Variants in DSC3 observed in about 807,000 individuals in gnomAD.
The protein encoded by DSC3 is desmocollin 3, also known as desmocollin-3.
Under a neutral mutation model 89.5 loss-of-function variants are expected in DSC3, and 97 were observed. The observed-to-expected ratio is 1.08, with a 90% CI of 0.92 to 1.28. DSC3 has a LOEUF of 1.28. Ranked by LOEUF, DSC3 falls within the 50% of genes most tolerant of loss-of-function variation. The pLI, the probability that DSC3 is intolerant of heterozygous loss-of-function variation, is 0.00. For missense variants in DSC3, 1,199 were observed against 1,085.3 expected, an observed-to-expected ratio of 1.10 and a Z score of -1.47; for synonymous variants, 436 against 384.1, an observed-to-expected ratio of 1.14 and a Z score of -1.58.
intron 1 of DSC3, among the ~76,000 whole-genome samples, chr18:31,034,490 A>C (rs955934336): frequency 3.3e-5 from 5 of 152,226 alleles, no homozygotes; most frequent in African/African-American, 1.2e-4. Context: ...TCAAAAAGTT[A>C]AACGTAAACC....
rs538855551 is a variant in DSC3 at position 31,024,956 on chromosome 18, T to G, written c.631-463A>C. Among the ~76,000 whole-genome samples the G allele has an allele frequency of 3.9e-5, 6 of 152,142 alleles. No homozygotes were observed. In the South Asian group the frequency reaches 1.2e-3, roughly 31 times the overall value. The stretch of plus-strand genomic sequence containing the variant: ...GTAAGAATTTTTCTGACAAAATACA[T>G]GTACTAGTTTCCCCATTGCTGAGTA... On this transcript the variant is annotated intron_variant, in intron 5 of 15. Transcript: ENST00000360428.
intron 4 of DSC3, among the ~76,000 whole-genome samples, chr18:31,026,195 G>C (rs1380462365): frequency 6.6e-6 from 1 of 152,052 alleles, no homozygotes; most frequent in Admixed American, 6.6e-5. Context: ...AGAGAAAATA[G>C]GAAGTGCAAG....
intron 9 of DSC3, among the ~76,000 whole-genome samples, chr18:31,014,956 T>C (rs1985186656): frequency 6.6e-6 from 1 of 152,058 alleles, no homozygotes; most frequent in South Asian, 2.1e-4. Flanking sequence ...AAAATCAATG[T>C]AAAATAGGGA....
At chr18:31,018,305 A>G (rs1567956378) in intron 8 of DSC3, 49 bp from the exon 9 acceptor site, 4 of 1,491,196 alleles carry the variant, frequency 2.7e-6, no homozygotes, top group South Asian at 2.5e-5. Flanking sequence ...TTTATAGACA[A>G]CTTTAAAAAA....
intron 1 of DSC3, among the ~76,000 whole-genome samples, chr18:31,034,885 T>G (rs1300232709): frequency 6.6e-6 from 1 of 152,210 alleles, no homozygotes; most frequent in Non-Finnish European, 1.5e-5. Context: ...TTGCACATTC[T>G]TCAAATTTAC....
intron 1 of DSC3, among the ~76,000 whole-genome samples, chr18:31,040,473 T>A (rs1157359495): frequency 6.6e-6 from 1 of 152,182 alleles, no homozygotes; most frequent in Non-Finnish European, 1.5e-5. Context: ...TGCTCTGATA[T>A]ACTTCTTTTT....
chr18:31,008,278 T>C lies in DSC3; in HGVS notation c.1511A>G (p.Asn504Ser), dbSNP rs138874577. The change falls in exon 10 of 16, where the codon AAT (asparagine) becomes AGT (serine). Residue 504 changes from asparagine (N) to serine (S), a missense_variant. By Grantham distance (46) the Asn-to-Ser change is conservative. Coordinates refer to ENST00000360428, the MANE Select transcript of DSC3 (RefSeq NM_001941.5). ...KAYDPENRNG[N>S]GLRYKKLHDP... Reference sequence around the variant, plus strand: ...ATAGATTTATTTTTACCTTAAACCATTGCCATTTCTATTTTCGGGGTCATA... The same window carrying C: ...ATAGATTTATTTTTACCTTAAACCACTGCCATTTCTATTTTCGGGGTCATA... 494 of 1,613,934 alleles carry C rather than the reference T, an allele frequency of 3.1e-4. No individual in the cohort carries two copies. The highest frequency in any genetic ancestry group is 4.1e-4 in the Non-Finnish European group (486 of 1,179,958).
At chr18:31,002,320 G>C (rs1317016273) in intron 13 of DSC3, among the ~76,000 whole-genome samples, 1 of 152,144 alleles carries the variant, frequency 6.6e-6, no homozygotes, top group Non-Finnish European at 1.5e-5. Context: ...CCCAAACCCA[G>C]AGCACTACAT....
At chr18:31,030,540 C>T (rs17799201) in intron 3 of DSC3, among the ~76,000 whole-genome samples, 13,777 of 152,016 alleles carry the variant, frequency 0.091, 718 homozygotes, top group East Asian at 0.18. Flanking sequence ...CACCAGTGCA[C>T]AAAAGACAAT....
At chr18:31,011,725 G>C (rs1985065212) in intron 9 of DSC3, among the ~76,000 whole-genome samples, 1 of 152,020 alleles carries the variant, frequency 6.6e-6, no homozygotes, top group South Asian at 2.1e-4. Context: ...AGGCACGGTG[G>C]CTCACGTCTG....
chr18:31,025,958 T>G (rs764274458), intron 4 of DSC3, 43 bp from the exon 5 acceptor site: 2 of 1,548,894 alleles, frequency 1.3e-6, no homozygotes, highest in Admixed American at 3.5e-5. Context: ...AAAACTAAAT[T>G]CAGTTACAAT....
chr18:31,029,821 G>C (rs1029747071), intron 3 of DSC3, among the ~76,000 whole-genome samples, 193 bp from the exon 4 acceptor site: 2 of 152,126 alleles, frequency 1.3e-5, no homozygotes, highest in African/African-American at 4.8e-5. Flanking sequence ...AGATTTTAAA[G>C]GTTTCAAGAA....
chr18:31,018,699 T>C lies in DSC3; in HGVS notation c.1044A>G (p.Ser348=). ...TSTCIITVTD[S]NDNAPTFRQN... ...GTCTGAAAGTGGGTGCATTATCATT[T>C]GAATCTGTTACTGTTATGATACAAG... Residue 348 remains serine, a synonymous_variant, in exon 8 of 16, where the codon TCA becomes TCG. Transcript: ENST00000360428. 6.2e-7 allele frequency: 1 copy of C among 1,613,624 alleles called. No homozygotes were observed. The highest frequency in any genetic ancestry group is 8.5e-7 in the Non-Finnish European group (1 of 1,179,920).
At position 30,991,702 on chromosome 18, in the gene DSC3, C is replaced by G. The variant is rs887330789; in HGVS notation, c.*2473G>C. 3.3e-5 allele frequency: 5 copies of G among 152,142 alleles called. No homozygotes were observed. The highest frequency in any genetic ancestry group is 1.2e-4 in the African/African-American group (5 of 41,436). 9.4% of individuals were successfully genotyped at this position (152,142 alleles called of 1,614,324 possible). A position where few individuals can be genotyped will look rare whatever the true frequency, so the allele number is the denominator to read the frequency against. The stretch of plus-strand genomic sequence containing the variant: ...TTCTGGATACAGCAGGAAATTTCAG[C>G]AACTAGGCTTACAGAGAATTCCATT... On this transcript the variant is annotated 3_prime_UTR_variant, in exon 16 of 16. Transcript: ENST00000360428.
chr18:30,997,149 T>C, intron 14 of DSC3, 101 bp from the exon 15 acceptor site: 1 of 1,285,552 alleles, frequency 7.8e-7, no homozygotes, highest in South Asian at 1.3e-5. Flanking sequence ...CTTTTATTCA[T>C]TCATTCATTC....
chr18:31,008,394 C>T lies in DSC3; in HGVS notation c.1395G>A (p.Leu465=). 1 of 1,614,144 alleles carries T rather than the reference C, an allele frequency of 6.2e-7. No individual in the cohort carries two copies. Among genetic ancestry groups the T allele is most frequent in the Non-Finnish European group, 8.5e-7 (1 of 1,180,020 alleles). The change falls in exon 10 of 16, where the codon CTG becomes CTA. Residue 465 remains leucine (L), a synonymous_variant. Transcript: ENST00000360428. The part of the protein sequence containing the change: ...RALVTVHVRD[L]DEGPECTPAA... ...CAGGAGTGCATTCAGGCCCCTCATC[C>T]AGATCCCTCACATGAACTGTAACCA...
intron 1 of DSC3, among the ~76,000 whole-genome samples, chr18:31,040,194 G>C (rs1338367817): frequency 6.6e-6 from 1 of 152,046 alleles, no homozygotes; most frequent in Non-Finnish European, 1.5e-5. Context: ...AACTATTTTA[G>C]TTCCTTTAGA....
At chr18:31,008,643 T>C in intron 9 of DSC3, 118 bp from the exon 10 acceptor site, 1 of 1,344,562 alleles carries the variant, frequency 7.4e-7, no homozygotes, top group Non-Finnish European at 1.0e-6. Flanking sequence ...TCACATGTTG[T>C]TAATACTGAC....
At chr18:31,034,839 T>A (rs1985920446) in intron 1 of DSC3, among the ~76,000 whole-genome samples, 1 of 152,212 alleles carries the variant, frequency 6.6e-6, no homozygotes, top group South Asian at 2.1e-4. Flanking sequence ...ATGAGGCTTA[T>A]TTTTAAGGTG....
Sources: allele counts gnomAD v4.1 joint callset (sites outside exome capture counted in the v4.1 genomes callset), GRCh38; gene constraint gnomAD v4.1.1; transcripts MANE v1.5; gene names NCBI Gene and HGNC (gene_info 2026-07-23, HGNC 2026-07-21).